Variants in TSPAN13 observed in about 807,000 individuals in gnomAD.
TSPAN13 encodes tetraspanin 13.
TSPAN13 carries 18 observed loss-of-function variants against 26.9 expected under a neutral mutation model. The observed-to-expected ratio is 0.67, with a 90% CI of 0.46 to 0.99. TSPAN13 has a LOEUF of 0.99. TSPAN13 is among the 50% of genes least tolerant of loss of function. The pLI is 0.00. For missense variants in TSPAN13, 201 were observed against 249.6 expected, an observed-to-expected ratio of 0.81 and a Z score of 1.31; for synonymous variants, 116 against 98.4, an observed-to-expected ratio of 1.18 and a Z score of -1.06.
At chr7:16,759,705 T>C (rs1374015387) in intron 1 of TSPAN13, among the ~76,000 whole-genome samples, 2 of 144,710 alleles carry the variant, frequency 1.4e-5, no homozygotes, top group East Asian at 1.9e-4. Context: ...CTTTCTTTTT[T>C]TTTTTTTTTT....
chr7:16,774,623 C>T (rs1396685738), intron 1 of TSPAN13, among the ~76,000 whole-genome samples: 1 of 152,062 alleles, frequency 6.6e-6, no homozygotes, highest in Non-Finnish European at 1.5e-5. Flanking sequence ...GAAACAGAGG[C>T]AAATGGGCCT....
intron 1 of TSPAN13, among the ~76,000 whole-genome samples, chr7:16,764,818 GA>G (rs989272475): frequency 4.6e-5 from 7 of 151,716 alleles, no homozygotes; most frequent in Admixed American, 4.6e-4. Flanking sequence ...TCTATAGGGA[GA>G]AAAAAAAGTC....
In TSPAN13 at chr7:16,776,329, T is replaced by C. The variant is rs745839113; in HGVS notation, c.182T>C (p.Leu61Ser). 1.9e-6 allele frequency: 3 copies of C among 1,614,168 alleles called. No individual in the cohort carries two copies. Among genetic ancestry groups the C allele is most frequent in the Non-Finnish European group, 2.5e-6 (3 of 1,180,028 alleles). ...GGCATCTTCTTGTTCCTGATTGCTT[T>C]AGTGGGTCTGATTGGAGCTGTAAAA... ...AVGIFLFLIA[L>S]VGLIGAVKHH... Residue 61 changes from leucine (L) to serine (S), a missense_variant, in exon 2 of 6, where the codon TTA becomes TCA. Leu to Ser is a moderately radical substitution (Grantham distance 145, BLOSUM62 -2). Transcript: ENST00000262067.
At chr7:16,756,155 C>T (rs1784479439) in intron 1 of TSPAN13, among the ~76,000 whole-genome samples, 1 of 152,090 alleles carries the variant, frequency 6.6e-6, no homozygotes, top group Non-Finnish European at 1.5e-5. Flanking sequence ...TGAAAATGTG[C>T]CATGGCCATT....
At chr7:16,766,240 A>G (rs1219936810) in intron 1 of TSPAN13, among the ~76,000 whole-genome samples, 1 of 152,196 alleles carries the variant, frequency 6.6e-6, no homozygotes, top group Admixed American at 6.5e-5. Context: ...AATCCAACAT[A>G]TTTTTGGGTG....
chr7:16,769,500 T>A (rs1784648894), intron 1 of TSPAN13, among the ~76,000 whole-genome samples: 2 of 152,194 alleles, frequency 1.3e-5, no homozygotes, highest in African/African-American at 4.8e-5. Context: ...GATCTTGGAC[T>A]ACTTTTGTTG....
At chr7:16,758,459 T>C (rs1174015828) in intron 1 of TSPAN13, among the ~76,000 whole-genome samples, 1 of 152,190 alleles carries the variant, frequency 6.6e-6, no homozygotes, top group Non-Finnish European at 1.5e-5. Flanking sequence ...TTTAGATGTA[T>C]AATAGAAATA....
chr7:16,766,596 C>G (rs1358867565), intron 1 of TSPAN13, among the ~76,000 whole-genome samples: 2 of 152,204 alleles, frequency 1.3e-5, no homozygotes, highest in Non-Finnish European at 2.9e-5. Context: ...CAAGCCTCCT[C>G]TTTCCTAAAT....
At chr7:16,759,607 G>A (rs115614776) in intron 1 of TSPAN13, among the ~76,000 whole-genome samples, 2,834 of 151,956 alleles carry the variant, frequency 0.019, 82 homozygotes, top group African/African-American at 0.064. Context: ...ATGAAGAACA[G>A]TTATCTAAGA....
intron 1 of TSPAN13, among the ~76,000 whole-genome samples, chr7:16,768,707 A>G (rs1278451174): frequency 1.3e-5 from 2 of 152,200 alleles, no homozygotes; most frequent in African/African-American, 4.8e-5. Context: ...TAATAATATC[A>G]GTTTTCAAAA....
intron 1 of TSPAN13, among the ~76,000 whole-genome samples, chr7:16,768,345 A>G (rs1410921401): frequency 2.0e-5 from 3 of 152,216 alleles, no homozygotes; most frequent in Non-Finnish European, 4.4e-5. Flanking sequence ...TACGGCAGGT[A>G]AAAACACAGA....
intron 1 of TSPAN13, among the ~76,000 whole-genome samples, chr7:16,770,261 A>G (rs1048548086): frequency 9.2e-5 from 14 of 151,772 alleles, no homozygotes; most frequent in African/African-American, 3.4e-4. Context: ...GCTGGAGTGC[A>G]GTGGCACAAT....
chr7:16,772,186 C>T (rs1051486122), intron 1 of TSPAN13, among the ~76,000 whole-genome samples: 13 of 152,190 alleles, frequency 8.5e-5, no homozygotes, highest in East Asian at 7.7e-4. Context: ...TGCTTTGCGG[C>T]GAGGATGCCC....
At chr7:16,772,723 C>T (rs559874039) in intron 1 of TSPAN13, among the ~76,000 whole-genome samples, 68 of 152,228 alleles carry the variant, frequency 4.5e-4, no homozygotes, top group African/African-American at 1.3e-3. Flanking sequence ...TGGCCGGGCG[C>T]GGTGGCTCAT....
intron 1 of TSPAN13, among the ~76,000 whole-genome samples, chr7:16,758,475 A>G (rs1317351563): frequency 1.3e-5 from 2 of 152,212 alleles, no homozygotes; most frequent in African/African-American, 4.8e-5. Flanking sequence ...AAATAAAATT[A>G]AGTTGTTACA....
At chr7:16,754,233 C>G (rs1325360571) in intron 1 of TSPAN13, among the ~76,000 whole-genome samples, 1 of 152,194 alleles carries the variant, frequency 6.6e-6, no homozygotes, top group Non-Finnish European at 1.5e-5. Flanking sequence ...TCCTTTCGTT[C>G]ATTGTGAAGC....
Position 16,784,028 on chromosome 7 carries a change from G to C in TSPAN13, c.*537G>C, listed in dbSNP as rs1024857006. 3.9e-5 allele frequency: 6 copies of C among 152,830 alleles called. No homozygotes were observed. The highest frequency in any genetic ancestry group is 1.4e-4 in the African/African-American group (6 of 41,432). 9.5% of individuals were successfully genotyped at this position (152,830 alleles called of 1,614,324 possible). Reference sequence around the variant, plus strand: ...GTATAAAAATGATAATTTACTTGTAGTCTTTTATGATTACACCAATGTATT... The same window carrying C: ...GTATAAAAATGATAATTTACTTGTACTCTTTTATGATTACACCAATGTATT... On this transcript the variant is annotated 3_prime_UTR_variant, in exon 6 of 6. Coordinates refer to ENST00000262067, the MANE Select transcript of TSPAN13 (RefSeq NM_014399.4).
intron 1 of TSPAN13, among the ~76,000 whole-genome samples, chr7:16,756,650 T>A (rs917112156): frequency 6.6e-6 from 1 of 152,198 alleles, no homozygotes; most frequent in African/African-American, 2.4e-5. Flanking sequence ...TATGGCTTGA[T>A]TATTTTAGTT....
intron 1 of TSPAN13, among the ~76,000 whole-genome samples, chr7:16,763,880 C>T (rs1784577108): frequency 6.6e-6 from 1 of 152,168 alleles, no homozygotes. Flanking sequence ...CAGCAACTTC[C>T]CCAGTTCTTC....
Sources: gnomAD v4.1 joint callset for allele counts (sites outside exome capture counted in the v4.1 genomes callset) on GRCh38, gnomAD v4.1.1 for gene constraint, MANE v1.5 for transcripts, NCBI Gene and HGNC (gene_info 2026-07-23, HGNC 2026-07-21) for gene names.